The following FHIT variants were observed in gnomAD, a reference collection of about 807,000 sequenced individuals.
FHIT encodes bis(5'-adenosyl)-triphosphatase.
FHIT carries 19 observed loss-of-function variants against 17.9 expected under a neutral mutation model. That is an observed-to-expected ratio of 1.06 (90% confidence interval 0.74 to 1.56). The LOEUF (loss-of-function observed/expected upper bound fraction) is 1.56. Among genes scored for constraint, FHIT ranks in the 40% most tolerant of loss-of-function variants. FHIT has a pLI of 0.00. For synonymous variants in FHIT, 81 were observed against 69.7 expected, an observed-to-expected ratio of 1.16 and a Z score of -0.81; for missense variants, 248 against 189.2, an observed-to-expected ratio of 1.31 and a Z score of -1.82.
At chr3:60,880,053 T>C (rs1373793277) in intron 3 of FHIT, among the ~76,000 whole-genome samples, 1 of 152,092 alleles carries the variant, frequency 6.6e-6, no homozygotes. Flanking sequence ...GGTTCCCGAA[T>C]AGATTCAAGC....
At chr3:60,391,174 T>C (rs979462119) in intron 5 of FHIT, among the ~76,000 whole-genome samples, 8 of 147,516 alleles carry the variant, frequency 5.4e-5, no homozygotes, top group Non-Finnish European at 8.9e-5. Flanking sequence ...GGCGACAGAG[T>C]GAGACCGTCT....
intron 8 of FHIT, among the ~76,000 whole-genome samples, chr3:59,861,376 G>A (rs559645884): frequency 1.3e-5 from 2 of 152,218 alleles, no homozygotes; most frequent in Middle Eastern, 3.4e-3. Context: ...AAACCCACTG[G>A]GGCCAAACTC....
intron 2 of FHIT, among the ~76,000 whole-genome samples, chr3:61,058,940 T>A (rs1346654513): frequency 6.6e-6 from 1 of 152,148 alleles, no homozygotes; most frequent in African/African-American, 2.4e-5. Flanking sequence ...CAGTCTAGAA[T>A]CTACCTTCTT....
Position 60,699,752 on chromosome 3 carries a change from T to TAC in FHIT, c.-18+122165_-18+122166dup, listed in dbSNP as rs148373028. Among the ~76,000 whole-genome samples the TAC allele has an allele frequency of 3.2e-3, 467 of 144,270 alleles. 1 individual carries two copies. The highest frequency in any genetic ancestry group is 0.016 in the East Asian group (77 of 4,844). 94.6% of individuals were successfully genotyped at this position (144,270 alleles called of 152,430 possible). A position where few individuals can be genotyped will look rare whatever the true frequency, so the allele number is the denominator to read the frequency against. ...CAACACCATTAGGATTTAAGATAAA[T>TAC]ACACACACACACACACACACATACA... On this transcript the variant is annotated intron_variant, in intron 4 of 9. Transcript: ENST00000492590.
intron 5 of FHIT, among the ~76,000 whole-genome samples, chr3:60,500,770 CTAA>C (rs1195681001): frequency 2.2e-5 from 1 of 45,102 alleles, no homozygotes; most frequent in Non-Finnish European, 4.0e-5. Flanking sequence ...GAGCATCCAT[CTAA>C]AAAAAAAAAA....
rs928255870 is a variant in FHIT, at chr3:59,797,556, T to C, written c.349-45235A>G. On this transcript the variant is annotated intron_variant, in intron 8 of 9. Coordinates refer to ENST00000492590, the MANE Select transcript of FHIT (RefSeq NM_002012.4). ...ACTAGAGTATTATTTGTCATTTCTT[T>C]GGATGAACCAATGCATGTAAGGAGG... Among the ~76,000 whole-genome samples the C allele has an allele frequency of 2.6e-5, 4 of 152,360 alleles. No homozygotes were observed. In the East Asian group the frequency reaches 7.7e-4, roughly 29 times the overall value.
At chr3:60,438,665 T>A (rs2030512934) in intron 5 of FHIT, among the ~76,000 whole-genome samples, 1 of 152,150 alleles carries the variant, frequency 6.6e-6, no homozygotes, top group Non-Finnish European at 1.5e-5. Flanking sequence ...ACTTGACAGT[T>A]CAAATTTAAA....
chr3:60,212,349 A>G (rs1703492658), intron 5 of FHIT, among the ~76,000 whole-genome samples: 1 of 152,192 alleles, frequency 6.6e-6, no homozygotes, highest in Admixed American at 6.6e-5. Flanking sequence ...GGTAGAAAGA[A>G]TTAAAAACAA....
intron 2 of FHIT, among the ~76,000 whole-genome samples, chr3:61,127,461 G>A (rs2036640783): frequency 1.3e-5 from 2 of 152,196 alleles, no homozygotes; most frequent in Non-Finnish European, 2.9e-5. Flanking sequence ...AAGAAGATGT[G>A]CTTGAAATAA....
At chr3:60,370,822 T>G (rs975763832) in intron 5 of FHIT, among the ~76,000 whole-genome samples, 1 of 152,352 alleles carries the variant, frequency 6.6e-6, no homozygotes, top group East Asian at 1.9e-4. Context: ...TTCTAAGTGC[T>G]CTTCTTAAAA....
intron 8 of FHIT, among the ~76,000 whole-genome samples, chr3:59,789,710 G>A (rs570945019): frequency 2.3e-4 from 35 of 152,312 alleles, no homozygotes; most frequent in Non-Finnish European, 4.6e-4. Flanking sequence ...AGGAAAGGGA[G>A]TGGACACTTT....
intron 5 of FHIT, among the ~76,000 whole-genome samples, chr3:60,240,584 G>C (rs1705073751): frequency 6.6e-6 from 1 of 152,076 alleles, no homozygotes; most frequent in South Asian, 2.1e-4. Flanking sequence ...ACTTTGCCTT[G>C]GTCCAAATAT....
chr3:60,802,480 T>G (rs1409453588), intron 4 of FHIT, among the ~76,000 whole-genome samples: 1 of 152,190 alleles, frequency 6.6e-6, no homozygotes, highest in Non-Finnish European at 1.5e-5. Context: ...ACCCAAAATA[T>G]TAAATGGGCA....
chr3:60,930,678 C>T (rs1176807984), intron 3 of FHIT, among the ~76,000 whole-genome samples: 32 of 152,300 alleles, frequency 2.1e-4, no homozygotes, highest in African/African-American at 7.7e-4. Flanking sequence ...CCATCTCACA[C>T]CAGTTAGAAT....
chr3:60,362,969 C>T (rs1699963132), intron 5 of FHIT, among the ~76,000 whole-genome samples: 1 of 152,140 alleles, frequency 6.6e-6, no homozygotes. Flanking sequence ...TGGAAATGTC[C>T]TTTAATTTCT....
intron 5 of FHIT, among the ~76,000 whole-genome samples, chr3:60,377,031 A>G (rs375336098): frequency 6.6e-6 from 1 of 152,200 alleles, no homozygotes; most frequent in African/African-American, 2.4e-5. Flanking sequence ...TACTAAAATA[A>G]TATCTTTCAT....
At chr3:60,438,083 G>C (rs1057318680) in intron 5 of FHIT, among the ~76,000 whole-genome samples, 5 of 151,860 alleles carry the variant, frequency 3.3e-5, no homozygotes, top group Admixed American at 6.6e-5. Context: ...TCATGTCCTT[G>C]GGATATGGCA....
chr3:60,090,505 A>C (rs1276223073), intron 5 of FHIT, among the ~76,000 whole-genome samples: 1 of 152,212 alleles, frequency 6.6e-6, no homozygotes, highest in African/African-American at 2.4e-5. Context: ...TGATGGGTAG[A>C]AAAAGTAATC....
chr3:60,043,036 C>T (rs1055481424), intron 5 of FHIT, among the ~76,000 whole-genome samples: 5 of 152,168 alleles, frequency 3.3e-5, no homozygotes, highest in African/African-American at 1.2e-4. Flanking sequence ...TTACCCTCTC[C>T]TTTTATGCCA....
Sources: allele counts gnomAD v4.1 joint callset (sites outside exome capture counted in the v4.1 genomes callset), GRCh38; gene constraint gnomAD v4.1.1; transcripts MANE v1.5; gene names NCBI Gene and HGNC (gene_info 2026-07-23, HGNC 2026-07-21).